IBA57: variants seen among roughly 807,000 people sequenced by gnomAD.
IBA57 encodes iron-sulfur cluster assembly factor IBA57, mitochondrial.
A neutral mutation model predicts 20.4 loss-of-function variants in IBA57; 20 were observed. The observed-to-expected ratio is 0.98, with a 90% CI of 0.69 to 1.42. The LOEUF (loss-of-function observed/expected upper bound fraction) is 1.42. IBA57 is among the 40% of genes most tolerant of loss of function. IBA57 has a pLI of 0.00. For missense variants in IBA57, 608 were observed against 499.3 expected (o/e 1.22, Z -2.07); for synonymous variants, 310 against 233.9 (o/e 1.33, Z -2.97).
At position 228,177,396 on chromosome 1, in the gene IBA57, GC is replaced by G. The variant is rs938910334; in HGVS notation, c.*1888del. ...TGAGGTGCCGCCTGAGCCATCCTGTGCCCCCTCAGTGTCTTCAGGTCTCTGC... is the reference window on the plus strand; with the variant it reads ...TGAGGTGCCGCCTGAGCCATCCTGTGCCCCTCAGTGTCTTCAGGTCTCTGC... On this transcript the variant is annotated 3_prime_UTR_variant, in exon 3 of 3. Coordinates refer to ENST00000366711, the MANE Select transcript of IBA57 (RefSeq NM_001010867.4). 9 of 151,870 alleles carry G rather than the reference GC, an allele frequency of 5.9e-5. No individual in the cohort carries two copies. Among genetic ancestry groups the G allele is most frequent in the African/African-American group, 1.9e-4 (8 of 41,256 alleles). The allele number at this position is 151,870 out of a possible 1,614,324, so 9.4% of individuals were successfully genotyped here. A position where few individuals can be genotyped will look rare whatever the true frequency, so the allele number is the denominator to read the frequency against.
rs1365278172 is a variant in IBA57, at chr1:228,180,908, C to T, written c.*5395C>T. On this transcript the variant is annotated 3_prime_UTR_variant, in exon 3 of 3. Transcript: ENST00000366711. ...TTCTGGGCTCAGGTGATCTTCCCAC[C>T]TCAGCCTCCTGAGTAGCTGGGACCA... 2 of 151,784 alleles carry T rather than the reference C, an allele frequency of 1.3e-5. No individual in the cohort carries two copies. Among genetic ancestry groups the T allele is most frequent in the Admixed American group, 6.6e-5 (1 of 15,246 alleles). The allele number at this position is 151,784 out of a possible 1,614,324, so 9.4% of individuals were successfully genotyped here. A position where few individuals can be genotyped will look rare whatever the true frequency, so the allele number is the denominator to read the frequency against.
chr1:228,166,537 C>G (rs1048009250), intron 1 of IBA57, among the ~76,000 whole-genome samples: 1 of 152,140 alleles, frequency 6.6e-6, no homozygotes, highest in East Asian at 1.9e-4. Context: ...AGTGGGCCAT[C>G]TGGTGACCCT....
At position 228,166,130 on chromosome 1, in the gene IBA57, G is replaced by C; in HGVS notation, c.314G>C (p.Arg105Pro). The change falls in exon 1 of 3, where the codon CGG (arginine) becomes CCG (proline). Residue 105 changes from arginine to proline, a missense_variant. Coordinates refer to ENST00000366711, the MANE Select transcript of IBA57 (RefSeq NM_001010867.4). ...GCCCACTTCCTGAACGTGCAGGGCC[G>C]GACGCTCTATGACGTCATCTTGTAC... ...GYAHFLNVQGRTLYDVILYGL... is the reference protein window; with the variant it reads ...GYAHFLNVQGPTLYDVILYGL... 6.5e-7 allele frequency: 1 copy of C among 1,532,468 alleles called. No homozygotes were observed. The highest frequency in any genetic ancestry group is 8.8e-7 in the Non-Finnish European group (1 of 1,142,126). The allele number at this position is 1,532,468 out of a possible 1,614,324, so 94.9% of individuals were successfully genotyped here.
chr1:228,175,911 A>AGCGGGGTGGTGTCCAGGGTCT lies in IBA57; in HGVS notation c.*401_*421dup. On this transcript the variant is annotated 3_prime_UTR_variant, in exon 3 of 3. Coordinates refer to ENST00000366711, the MANE Select transcript of IBA57 (RefSeq NM_001010867.4). ...TGGGGGGTTGGTCCCTGTGCCTGGA[A>AGCGGGGTGGTGTCCAGGGTCT]GCGGGGTGGTGTCCAGGGTCTGCAG... 1 of 175,812 alleles carries AGCGGGGTGGTGTCCAGGGTCT rather than the reference A, an allele frequency of 5.7e-6. No homozygotes were observed. The highest frequency in any genetic ancestry group is 1.6e-4 in the South Asian group (1 of 6,234). The allele number at this position is 175,812 out of a possible 1,614,324, so 10.9% of individuals were successfully genotyped here. A position where few individuals can be genotyped will look rare whatever the true frequency, so the allele number is the denominator to read the frequency against.
At position 228,166,101 on chromosome 1, in the gene IBA57, C is replaced by A. The variant is rs1276192566; in HGVS notation, c.285C>A (p.Gly95=). Residue 95 remains glycine, a synonymous_variant, in exon 1 of 3, where the codon GGC becomes GGA. Coordinates refer to ENST00000366711, the MANE Select transcript of IBA57 (RefSeq NM_001010867.4). ...GGGCCCCGCCTGCTGCGCGCGCGGG[C>A]TACGCCCACTTCCTGAACGTGCAGG... ...AAGAPPAARA[G]YAHFLNVQGR... 2 of 1,536,036 alleles carry A rather than the reference C, an allele frequency of 1.3e-6. No individual in the cohort carries two copies. Among genetic ancestry groups the A allele is most frequent in the Non-Finnish European group, 1.7e-6 (2 of 1,143,640 alleles).
At chr1:228,174,488 C>T (rs2034973119) in intron 1 of IBA57, 1 of 410,420 alleles carries the variant, frequency 2.4e-6, no homozygotes, top group East Asian at 4.0e-5. Context: ...TCGCTGTGGG[C>T]GTGGCTCGCT....
rs1275861543 is a variant in IBA57, at chr1:228,175,007, T to C, written c.657T>C (p.Tyr219=). Residue 219 remains tyrosine, a synonymous_variant, in exon 2 of 3, where the codon TAT becomes TAC. Transcript: ENST00000366711. ...GCCGGCTCGGGGACTTGTGGGATTATCACCAGCACCGATACCTGCAAGGTA... is the reference window on the plus strand; with the variant it reads ...GCCGGCTCGGGGACTTGTGGGATTACCACCAGCACCGATACCTGCAAGGTA... ...PGGRLGDLWD[Y]HQHRYLQGVP... is the part of the protein sequence containing the mutation. 1.9e-6 allele frequency: 3 copies of C among 1,549,396 alleles called. No individual in the cohort carries two copies. Among genetic ancestry groups the C allele is most frequent in the South Asian group, 2.5e-5 (2 of 81,452 alleles).
chr1:228,168,970 A>C (rs755258887), intron 1 of IBA57, among the ~76,000 whole-genome samples: 1 of 152,046 alleles, frequency 6.6e-6, no homozygotes, highest in Admixed American at 6.5e-5. Context: ...TACCTCCTTG[A>C]GTGTCTCCCC....
intron 1 of IBA57, among the ~76,000 whole-genome samples, chr1:228,168,512 T>C (rs2034882235): frequency 6.6e-6 from 1 of 152,114 alleles, no homozygotes; most frequent in Non-Finnish European, 1.5e-5. Context: ...CTTCATCCTT[T>C]CTTGCCTGGT....
chr1:228,175,772 G>T lies in IBA57; in HGVS notation c.*259G>T, dbSNP rs993903008. On this transcript the variant is annotated 3_prime_UTR_variant, in exon 3 of 3. Transcript: ENST00000366711. ...GTGTGAGTGCTGGGCTCCAGATGGC[G>T]CCGGGTCCCAATCGTGGCTCCACAC... 9.9e-6 allele frequency: 4 copies of T among 403,994 alleles called. No homozygotes were observed. Among genetic ancestry groups the T allele is most frequent in the South Asian group, 5.2e-5 (1 of 19,268 alleles). The allele number at this position is 403,994 out of a possible 1,614,324, so 25.0% of individuals were successfully genotyped here.
intron 1 of IBA57, among the ~76,000 whole-genome samples, chr1:228,167,867 C>T: frequency 6.6e-6 from 1 of 152,204 alleles, no homozygotes; most frequent in Admixed American, 6.5e-5. Flanking sequence ...ATCTTAAGAA[C>T]TACATTCTTT....
chr1:228,174,666 A>C (rs781627808), intron 1 of IBA57, 26 bp from the exon 2 acceptor site: 2 of 1,500,704 alleles, frequency 1.3e-6, no homozygotes, highest in African/African-American at 2.7e-5. Context: ...GTGAGCTGCC[A>C]TGCGCCCCTG....
rs538035093 is a variant in IBA57, at chr1:228,175,821, G to A, written c.*308G>A. On this transcript the variant is annotated 3_prime_UTR_variant, in exon 3 of 3. Transcript: ENST00000366711. Reference sequence around the variant, plus strand: ...ACAGGGTTGTCTGGGAGGACGGGACGGTGTCTCTGGCCAGCACTGGCAGCT... The same window carrying A: ...ACAGGGTTGTCTGGGAGGACGGGACAGTGTCTCTGGCCAGCACTGGCAGCT... 2.9e-5 allele frequency: 8 copies of A among 277,610 alleles called. No individual in the cohort carries two copies. The highest frequency in any genetic ancestry group is 1.8e-4 in the South Asian group (2 of 11,056). 17.2% of individuals were successfully genotyped at this position (277,610 alleles called of 1,614,324 possible). A position where few individuals can be genotyped will look rare whatever the true frequency, so the allele number is the denominator to read the frequency against.
Position 228,175,633 on chromosome 1 carries a change from C to T in IBA57, c.*120C>T. 7.5e-7 allele frequency: 1 copy of T among 1,330,058 alleles called. No homozygotes were observed. Among genetic ancestry groups the T allele is most frequent in the South Asian group, 1.6e-5 (1 of 61,586 alleles). The allele number at this position is 1,330,058 out of a possible 1,614,324, so 82.4% of individuals were successfully genotyped here. On this transcript the variant is annotated 3_prime_UTR_variant, in exon 3 of 3. Transcript: ENST00000366711. ...CCTACTGGGTGGGAGCCCTGGTTTC[C>T]ATCTGGGAAAGTCCCCCTTGTAGGT...
intron 1 of IBA57, among the ~76,000 whole-genome samples, chr1:228,167,529 G>A (rs762947586): frequency 4.6e-5 from 7 of 152,090 alleles, no homozygotes; most frequent in Non-Finnish European, 7.4e-5. Context: ...GCTAATTTTT[G>A]TATTTTTAGT....
rs547119740 is a variant in IBA57, at chr1:228,166,116, G to C, written c.300G>C (p.Leu100=). The C allele has an allele frequency of 1.9e-5, 29 of 1,538,674 alleles. No individual in the cohort carries two copies. Among genetic ancestry groups the C allele is most frequent in the Non-Finnish European group, 2.4e-5 (28 of 1,144,860 alleles). ...PAARAGYAHF[L]NVQGRTLYDV... Reference sequence around the variant, plus strand: ...CGCGCGCGGGCTACGCCCACTTCCTGAACGTGCAGGGCCGGACGCTCTATG... The same window carrying C: ...CGCGCGCGGGCTACGCCCACTTCCTCAACGTGCAGGGCCGGACGCTCTATG... Residue 100 remains leucine, a synonymous_variant, in exon 1 of 3, where the codon CTG becomes CTC. Transcript: ENST00000366711.
rs910294330 is a variant in IBA57, at chr1:228,179,849, G to GA, written c.*4340dup. On this transcript the variant is annotated 3_prime_UTR_variant, in exon 3 of 3. Transcript: ENST00000366711. ...GTGATAGCCTAGAATTGTGTACCCA[G>GA]AAAATCCGTCTTTCAAGAATGAGGG... The GA allele has an allele frequency of 1.3e-5, 2 of 152,130 alleles. No homozygotes were observed. The highest frequency in any genetic ancestry group is 4.8e-5 in the African/African-American group (2 of 41,406). 9.4% of individuals were successfully genotyped at this position (152,130 alleles called of 1,614,324 possible).
In IBA57 at chr1:228,165,854, G is replaced by A; in HGVS notation, c.38G>A (p.Gly13Glu). The A allele has an allele frequency of 2.3e-6, 3 of 1,307,988 alleles. No homozygotes were observed. Among genetic ancestry groups the A allele is most frequent in the Non-Finnish European group, 1.9e-6 (2 of 1,034,442 alleles). 81.0% of individuals were successfully genotyped at this position (1,307,988 alleles called of 1,614,324 possible). The change falls in exon 1 of 3, where the codon GGG (glycine) becomes GAG (glutamate). Residue 13 changes from glycine to glutamate, a missense_variant. Physicochemically the swap from Gly to Glu is moderately conservative, Grantham distance 98. Transcript: ENST00000366711. Reference sequence around the variant, plus strand: ...GCGCTGCTTCGAGGCGCCACTCCGGGGCGCGGCGGCCCGGTCTGGCGCTGG... The same window carrying A: ...GCGCTGCTTCGAGGCGCCACTCCGGAGCGCGGCGGCCCGGTCTGGCGCTGG... ...TAALLRGATP[G>E]RGGPVWRWRL... is the part of the protein sequence containing the mutation.
chr1:228,180,231 G>A lies in IBA57; in HGVS notation c.*4718G>A, dbSNP rs2035088239. 6.7e-6 allele frequency: 1 copy of A among 149,554 alleles called. No individual in the cohort carries two copies. The highest frequency in any genetic ancestry group is 1.5e-5 in the Non-Finnish European group (1 of 67,438). The allele number at this position is 149,554 out of a possible 1,614,324, so 9.3% of individuals were successfully genotyped here. A position where few individuals can be genotyped will look rare whatever the true frequency, so the allele number is the denominator to read the frequency against. Reference sequence around the variant, plus strand: ...ACCACGAAACTGCCCTCACTCCGGAGTTTGCTGCCAGCAGAGCCTAGAGCG... The same window carrying A: ...ACCACGAAACTGCCCTCACTCCGGAATTTGCTGCCAGCAGAGCCTAGAGCG... On this transcript the variant is annotated 3_prime_UTR_variant, in exon 3 of 3. Coordinates refer to ENST00000366711, the MANE Select transcript of IBA57 (RefSeq NM_001010867.4).
Sources: gnomAD v4.1 joint callset for allele counts (sites outside exome capture counted in the v4.1 genomes callset) on GRCh38, gnomAD v4.1.1 for gene constraint, MANE v1.5 for transcripts, NCBI Gene and HGNC (gene_info 2026-07-23, HGNC 2026-07-21) for gene names.